The following ROBO2 variants were observed in gnomAD, a reference collection of about 807,000 sequenced individuals.
ROBO2 encodes roundabout guidance receptor 2.
ROBO2 carries 53 observed loss-of-function variants against 160.8 expected under a neutral mutation model. The ratio of observed to expected loss-of-function variants is 0.33; its 90% confidence interval spans 0.26 to 0.41. The LOEUF (loss-of-function observed/expected upper bound fraction) is 0.41. Ranked by LOEUF, ROBO2 falls within the 10% of genes least tolerant of loss-of-function variation. The pLI, the probability that ROBO2 is intolerant of heterozygous loss-of-function variation, is 1.00. For missense variants in ROBO2, 1,577 were observed against 1,722.4 expected, an observed-to-expected ratio of 0.92 and a Z score of 1.49; for synonymous variants, 664 against 611.7, an observed-to-expected ratio of 1.09 and a Z score of -1.26.
At chr3:76,567,656 CA>C (rs2084648746) in intron 2 of ROBO2, among the ~76,000 whole-genome samples, 2 of 41,552 alleles carry the variant, frequency 4.8e-5, no homozygotes, top group Non-Finnish European at 1.2e-4. Flanking sequence ...TATATATACA[CA>C]TACACATATA....
At chr3:77,108,222 A>T (rs190529522) in intron 2 of ROBO2, among the ~76,000 whole-genome samples, 58 of 149,082 alleles carry the variant, frequency 3.9e-4, no homozygotes, top group Non-Finnish European at 6.8e-4. Context: ...ATATGTATAC[A>T]CATATGCATA....
At chr3:76,279,464 C>T (rs780752406) in intron 2 of ROBO2, among the ~76,000 whole-genome samples, 11 of 151,706 alleles carry the variant, frequency 7.3e-5, no homozygotes, top group Admixed American at 2.6e-4. Context: ...CTATGGCAAG[C>T]GAAAAGTTAC....
intron 2 of ROBO2, among the ~76,000 whole-genome samples, chr3:76,507,458 G>A (rs1366534052): frequency 1.3e-5 from 2 of 152,044 alleles, no homozygotes; most frequent in African/African-American, 2.4e-5. Flanking sequence ...TCAAAGAAGA[G>A]TCTGGTGTTT....
intron 2 of ROBO2, among the ~76,000 whole-genome samples, chr3:77,180,414 C>CTATA (rs1449905064): frequency 6.4e-4 from 59 of 92,756 alleles, no homozygotes; most frequent in African/African-American, 1.9e-3. Context: ...CTCTCTCTCT[C>CTATA]TCTATATATA....
At chr3:76,025,875 A>G (rs1489848663) in intron 2 of ROBO2, among the ~76,000 whole-genome samples, 3 of 151,854 alleles carry the variant, frequency 2.0e-5, no homozygotes, top group Admixed American at 6.6e-5. Flanking sequence ...ATCTAGTCCT[A>G]TGCTAATGAT....
At chr3:76,649,568 G>T (rs1047817955) in intron 2 of ROBO2, among the ~76,000 whole-genome samples, 1 of 151,966 alleles carries the variant, frequency 6.6e-6, no homozygotes, top group Non-Finnish European at 1.5e-5. Flanking sequence ...AAATTTATTA[G>T]GTTTAAAAGG....
chr3:75,970,154 A>G (rs567492905), intron 2 of ROBO2, among the ~76,000 whole-genome samples: 1 of 151,328 alleles, frequency 6.6e-6, no homozygotes, highest in Non-Finnish European at 1.5e-5. Context: ...CTTTGCCCCA[A>G]TTTTGGCCAA....
chr3:77,046,464 G>A (rs936706682), intron 1 of ROBO2, among the ~76,000 whole-genome samples: 3 of 152,130 alleles, frequency 2.0e-5, no homozygotes, highest in Admixed American at 2.0e-4. Flanking sequence ...CTCAGCAATA[G>A]TAAATATAAA....
intron 24 of ROBO2, among the ~76,000 whole-genome samples, chr3:77,637,661 T>C (rs1483700238): frequency 6.6e-6 from 1 of 152,202 alleles, no homozygotes; most frequent in Non-Finnish European, 1.5e-5. Context: ...ATCTAGTAAT[T>C]GATAATTTTG....
chr3:77,453,176 G>T (rs562373511), intron 2 of ROBO2, among the ~76,000 whole-genome samples: 2 of 152,072 alleles, frequency 1.3e-5, no homozygotes, highest in East Asian at 1.9e-4. Flanking sequence ...ATGAAATTTT[G>T]GAAGAAATAC....
At chr3:76,249,085 A>G (rs866639779) in intron 2 of ROBO2, among the ~76,000 whole-genome samples, 1 of 152,160 alleles carries the variant, frequency 6.6e-6, no homozygotes, top group Non-Finnish European at 1.5e-5. Flanking sequence ...ACATGTGCAC[A>G]TCTTTGATAA....
intron 5 of ROBO2, among the ~76,000 whole-genome samples, chr3:77,516,048 T>C (rs566216864): frequency 6.6e-6 from 1 of 151,756 alleles, no homozygotes; most frequent in South Asian, 2.1e-4. Context: ...TCTCTTTTAA[T>C]ATGAATAATA....
chr3:77,615,099 T>C (rs1331294716), intron 21 of ROBO2, among the ~76,000 whole-genome samples: 1 of 152,204 alleles, frequency 6.6e-6, no homozygotes, highest in Non-Finnish European at 1.5e-5. Flanking sequence ...TAATATCAGC[T>C]TTCCCCACTG....
intron 2 of ROBO2, among the ~76,000 whole-genome samples, chr3:76,769,379 A>G (rs1416851699): frequency 6.6e-6 from 1 of 150,692 alleles, no homozygotes; most frequent in Non-Finnish European, 1.5e-5. Flanking sequence ...TGATGATACT[A>G]CTCCAACGAC....
chr3:75,994,343 C>T lies in ROBO2; in HGVS notation c.109+56741C>T, dbSNP rs190483602. ...AAAAATTGATATGGTTTGGCTGTGG[C>T]GCCATCCAAATGTCAACTTGTATTT... On this transcript the variant is annotated intron_variant, in intron 2 of 26. Coordinates refer to the ROBO2 transcript ENST00000487694. Among the ~76,000 whole-genome samples the T allele has an allele frequency of 2.4e-4, 37 of 152,258 alleles. 1 individual carries two copies. The highest frequency in any genetic ancestry group is 8.4e-4 in the African/African-American group (35 of 41,558).
chr3:76,643,982 A>T (rs554056896), intron 2 of ROBO2, among the ~76,000 whole-genome samples: 1 of 152,316 alleles, frequency 6.6e-6, no homozygotes, highest in African/African-American at 2.4e-5. Flanking sequence ...CCACAATATT[A>T]TTTATCAAAC....
intron 2 of ROBO2, among the ~76,000 whole-genome samples, chr3:76,615,580 C>A (rs2088517455): frequency 6.6e-6 from 1 of 152,068 alleles, no homozygotes; most frequent in African/African-American, 2.4e-5. Flanking sequence ...GAAATGCAAA[C>A]AGTTTATGAG....
At chr3:76,845,077 G>A (rs1224627743) in intron 2 of ROBO2, among the ~76,000 whole-genome samples, 1 of 151,844 alleles carries the variant, frequency 6.6e-6, no homozygotes, top group Non-Finnish European at 1.5e-5. Flanking sequence ...AAGAATCAAA[G>A]ATTTTACAAC....
intron 2 of ROBO2, among the ~76,000 whole-genome samples, chr3:77,154,039 T>C (rs2150551707): frequency 6.6e-6 from 1 of 152,208 alleles, no homozygotes; most frequent in African/African-American, 2.4e-5. Context: ...GCTTACTTCA[T>C]CTGCTACTTC....
Sources: allele counts gnomAD v4.1 joint callset (sites outside exome capture counted in the v4.1 genomes callset), GRCh38; gene constraint gnomAD v4.1.1; transcripts MANE v1.5; gene names NCBI Gene and HGNC (gene_info 2026-07-23, HGNC 2026-07-21).